TBC1D32: variants seen among roughly 807,000 people sequenced by gnomAD.
TBC1D32 encodes protein broad-minded.
A neutral mutation model predicts 170.3 loss-of-function variants in TBC1D32; 151 were observed. The observed-to-expected ratio is 0.89, with a 90% confidence interval of 0.78 to 1.01. The LOEUF is 1.01. TBC1D32 is among the 50% of genes least tolerant of loss of function. The pLI is 0.00. For synonymous variants in TBC1D32, 498 were observed against 488.0 expected (o/e 1.02, Z -0.27); for missense variants, 1,464 against 1,457.1 (o/e 1.00, Z -0.08).
intron 3 of TBC1D32, among the ~76,000 whole-genome samples, chr6:121,313,335 G>A (rs1458508238): frequency 2.7e-5 from 4 of 148,732 alleles, no homozygotes; most frequent in African/African-American, 1.0e-4. Context: ...GAGTGTTGGA[G>A]TGCAGTGGTG....
intron 9 of TBC1D32, among the ~76,000 whole-genome samples, chr6:121,301,527 G>A (rs1432878365): frequency 6.6e-6 from 1 of 152,014 alleles, no homozygotes; most frequent in Non-Finnish European, 1.5e-5. Context: ...TCACACACCA[G>A]GGCCTGTTTG....
chr6:121,271,536 C>A (rs1251263729), intron 15 of TBC1D32, among the ~76,000 whole-genome samples: 1 of 152,022 alleles, frequency 6.6e-6, no homozygotes, highest in African/African-American at 2.4e-5. Flanking sequence ...GAATAAAATA[C>A]CTAGGAATCC....
chr6:121,239,198 A>G lies in TBC1D32; in HGVS notation c.2246-10T>C. On this transcript the variant is annotated splice_polypyrimidine_tract_variant and intron_variant, in intron 19 of 31. Transcript: ENST00000398212. ...AGTTCATTAATAAACCCTAAAAAGAATTATTACTTCAAGTCATTTATAGCA... is the reference window on the plus strand; with the variant it reads ...AGTTCATTAATAAACCCTAAAAAGAGTTATTACTTCAAGTCATTTATAGCA... 1 of 1,448,610 alleles carries G rather than the reference A, an allele frequency of 6.9e-7. No homozygotes were observed. The highest frequency in any genetic ancestry group is 1.2e-5 in the South Asian group (1 of 82,372). 89.7% of individuals were successfully genotyped at this position (1,448,610 alleles called of 1,614,324 possible).
chr6:121,298,752 C>T (rs920686815), intron 10 of TBC1D32, among the ~76,000 whole-genome samples: 2 of 152,008 alleles, frequency 1.3e-5, no homozygotes, highest in African/African-American at 4.8e-5. Context: ...TGCACTCAAC[C>T]AAAAATCACA....
At chr6:121,151,029 T>C (rs1466154072) in intron 24 of TBC1D32, among the ~76,000 whole-genome samples, 5 of 152,204 alleles carry the variant, frequency 3.3e-5, no homozygotes, top group Non-Finnish European at 5.9e-5. Flanking sequence ...TCTTAGTTGT[T>C]TCTTGTCTTC....
intron 24 of TBC1D32, among the ~76,000 whole-genome samples, chr6:121,157,881 T>C (rs1423561701): frequency 2.0e-5 from 3 of 152,200 alleles, no homozygotes; most frequent in African/African-American, 7.2e-5. Flanking sequence ...GTTGCTAGCA[T>C]GATGAGGTTC....
At chr6:121,296,631 A>C (rs763310717) in intron 10 of TBC1D32, among the ~76,000 whole-genome samples, 3 of 151,950 alleles carry the variant, frequency 2.0e-5, no homozygotes, top group Admixed American at 6.6e-5. Flanking sequence ...ATTTATCCCA[A>C]TTCTGTCTTA....
intron 24 of TBC1D32, among the ~76,000 whole-genome samples, chr6:121,143,947 T>C (rs1164908601): frequency 1.3e-5 from 2 of 152,072 alleles, no homozygotes; most frequent in African/African-American, 4.8e-5. Context: ...ATCAGCAATA[T>C]CAGAATGAGA....
chr6:121,215,617 T>A (rs1259900525), intron 21 of TBC1D32, among the ~76,000 whole-genome samples: 1 of 151,492 alleles, frequency 6.6e-6, no homozygotes. Flanking sequence ...ATCTGACAAG[T>A]ATCTAATATC....
chr6:121,092,305 T>G (rs1049778262), intron 30 of TBC1D32, among the ~76,000 whole-genome samples: 45 of 143,334 alleles, frequency 3.1e-4, no homozygotes, highest in African/African-American at 9.7e-4. Context: ...TTTTTTTTTT[T>G]TTTTTTTTTT....
At chr6:121,219,283 T>G (rs544444313) in intron 21 of TBC1D32, among the ~76,000 whole-genome samples, 14 of 152,298 alleles carry the variant, frequency 9.2e-5, no homozygotes, top group African/African-American at 3.4e-4. Flanking sequence ...TAAAAGGAAC[T>G]CATATACATG....
In TBC1D32 at chr6:121,320,051, A is replaced by G. The variant is rs1809484886; in HGVS notation, c.317+1582T>C. ...TTATATGAGGAATAGTGTATATTAT[A>G]TAGATCCTACAAATGAATTCTTCTG... On this transcript the variant is annotated intron_variant, in intron 2 of 31. Coordinates refer to ENST00000398212, the MANE Select transcript of TBC1D32 (RefSeq NM_152730.6). Among the ~76,000 whole-genome samples the G allele has an allele frequency of 3.9e-5, 6 of 152,062 alleles. No homozygotes were observed. In the South Asian group the frequency reaches 1.2e-3, roughly 31 times the overall value.
intron 17 of TBC1D32, among the ~76,000 whole-genome samples, chr6:121,242,845 C>T (rs1797163450): frequency 1.3e-5 from 2 of 151,824 alleles, no homozygotes. Context: ...TAAGAAAGAT[C>T]AACATATATT....
In TBC1D32 at chr6:121,334,348, G is replaced by A. The variant is rs1283608621; in HGVS notation, c.83C>T (p.Thr28Met). The change falls in exon 1 of 32, where the codon ACG (threonine) becomes ATG (methionine). Residue 28 changes from threonine (T) to methionine (M), a missense_variant. Transcript: ENST00000398212. ...GGCACACTCCAGGGAAGGGGCACCC[G>A]TGATTTTCTCCTTCACGCTCTGGAA... Reference protein sequence around the residue: ...RLFQSVKEKITGAPSLECAEE... With the variant: ...RLFQSVKEKIMGAPSLECAEE... The A allele has an allele frequency of 2.5e-6, 4 of 1,614,158 alleles. No individual in the cohort carries two copies. In the East Asian group the frequency reaches 6.7e-5, roughly 27 times the overall value.
intron 30 of TBC1D32, 151 bp downstream of exon 30, chr6:121,105,872 A>C (rs1232208852): frequency 2.4e-6 from 2 of 825,366 alleles, no homozygotes; most frequent in African/African-American, 1.7e-5. Flanking sequence ...GCAAACTTAC[A>C]TCATAACAGG....
At chr6:121,112,230 A>C (rs1455236840) in intron 29 of TBC1D32, among the ~76,000 whole-genome samples, 1 of 152,096 alleles carries the variant, frequency 6.6e-6, no homozygotes, top group African/African-American at 2.4e-5. Flanking sequence ...GCAGAATTTA[A>C]CTGATATAAC....
At chr6:121,150,885 C>T (rs1784127430) in intron 24 of TBC1D32, among the ~76,000 whole-genome samples, 4 of 69,160 alleles carry the variant, frequency 5.8e-5, no homozygotes, top group Admixed American at 5.0e-4. Context: ...CTATTTGATT[C>T]TTCTCTTTTT....
chr6:121,141,110 A>G (rs1390885618), intron 24 of TBC1D32, among the ~76,000 whole-genome samples: 1 of 147,404 alleles, frequency 6.8e-6, no homozygotes, highest in African/African-American at 2.4e-5. Flanking sequence ...TAGAAATTAC[A>G]TTTTAGGGTA....
Position 121,256,262 on chromosome 6 carries a change from G to C in TBC1D32, c.1757C>G (p.Ala586Gly), listed in dbSNP as rs765342712. 5 of 1,613,026 alleles carry C rather than the reference G, an allele frequency of 3.1e-6. No individual in the cohort carries two copies. The African/African-American group carries it at 6.7e-5, about 22-fold the overall frequency. Residue 586 changes from alanine to glycine, a missense_variant, in exon 16 of 32, where the codon GCC becomes GGC. Around this residue, in one of 3 missense-constraint regions of TBC1D32, gnomAD observed 1,363 missense variants for 1,338.1 expected, o/e 1.02. Coordinates refer to ENST00000398212, the MANE Select transcript of TBC1D32 (RefSeq NM_152730.6). ...EESPTGAHIIAQFSKKLLDED... is the reference protein window; with the variant it reads ...EESPTGAHIIGQFSKKLLDED... ...ATCGAGAAGTTTTTTCGAAAACTGG[G>C]CAATTATATGAGCACCTGTAGGACT...
Sources: allele counts gnomAD v4.1 joint callset (sites outside exome capture counted in the v4.1 genomes callset), GRCh38; gene constraint gnomAD v4.1.1; regional missense constraint gnomAD v4.1.1; transcripts MANE v1.5; gene names NCBI Gene and HGNC (gene_info 2026-07-23, HGNC 2026-07-21).